The following KALRN variants were observed in gnomAD, a reference collection of about 807,000 sequenced individuals.
KALRN encodes kalirin RhoGEF kinase.
In KALRN, 70 loss-of-function variants were observed where a neutral mutation model predicts 353.7. The ratio of observed to expected loss-of-function variants is 0.20; its 90% CI spans 0.16 to 0.24. KALRN has a LOEUF of 0.24. Among genes scored for constraint, KALRN ranks in the 10% least tolerant of loss-of-function variants. KALRN has a pLI of 1.00. For synonymous variants in KALRN, 1,391 were observed against 1,434.8 expected, an observed-to-expected ratio of 0.97 and a Z score of 0.69; for missense variants, 2,791 against 3,756.7, an observed-to-expected ratio of 0.74 and a Z score of 6.72.
At chr3:124,632,724 A>C in intron 35 of KALRN, 21 bp downstream of exon 35, 1 of 1,606,044 alleles carries the variant, frequency 6.2e-7, no homozygotes. Flanking sequence ...GGGGCCCTGG[A>C]GTTGTCCATC....
chr3:124,153,579 C>T (rs1310562846), intron 1 of KALRN, among the ~76,000 whole-genome samples: 17 of 150,578 alleles, frequency 1.1e-4, no homozygotes, highest in Non-Finnish European at 1.6e-4. Flanking sequence ...AATAAACATA[C>T]GTGTGCATGT....
chr3:124,438,183 C>T (rs944620706), intron 17 of KALRN, among the ~76,000 whole-genome samples: 6 of 152,124 alleles, frequency 3.9e-5, no homozygotes, highest in Non-Finnish European at 8.8e-5. Flanking sequence ...AATTTCCCTC[C>T]AAACTCCCTT....
At chr3:124,411,275 G>A (rs1038710926) in intron 13 of KALRN, among the ~76,000 whole-genome samples, 2 of 151,866 alleles carry the variant, frequency 1.3e-5, no homozygotes, top group South Asian at 2.1e-4. Context: ...TATTTTTGGC[G>A]ATGACTACAT....
At chr3:124,169,444 G>A (rs1048166850) in intron 1 of KALRN, among the ~76,000 whole-genome samples, 3 of 152,296 alleles carry the variant, frequency 2.0e-5, no homozygotes, top group African/African-American at 2.4e-5. Context: ...AGTGGTTGAT[G>A]TTTTGGTAGC....
intron 38 of KALRN, among the ~76,000 whole-genome samples, chr3:124,651,805 T>A (rs1405706376): frequency 6.6e-6 from 1 of 151,852 alleles, no homozygotes; most frequent in Non-Finnish European, 1.5e-5. Context: ...GCCTGGCTAA[T>A]TATTTTATTT....
chr3:124,145,448 T>C (rs1447155657), intron 1 of KALRN, among the ~76,000 whole-genome samples: 3 of 152,226 alleles, frequency 2.0e-5, no homozygotes. Flanking sequence ...CAGAGTTCCC[T>C]GAGTGATTTC....
At chr3:124,481,754 A>G (rs193073901) in intron 27 of KALRN, among the ~76,000 whole-genome samples, 23 of 152,074 alleles carry the variant, frequency 1.5e-4, no homozygotes, top group Non-Finnish European at 2.2e-4. Context: ...TCATTCCTCC[A>G]ACCTTTTACT....
intron 1 of KALRN, among the ~76,000 whole-genome samples, chr3:124,158,822 T>C (rs1363319304): frequency 6.6e-6 from 1 of 152,194 alleles, no homozygotes; most frequent in East Asian, 1.9e-4. Flanking sequence ...CTGGAGCCTG[T>C]CTTCTTAACT....
chr3:124,487,365 C>A (rs1454948519), intron 28 of KALRN, among the ~76,000 whole-genome samples: 1 of 152,180 alleles, frequency 6.6e-6, no homozygotes, highest in African/African-American at 2.4e-5. Context: ...AAAGGACACA[C>A]TCCCCAGCTC....
At chr3:124,460,773 A>C (rs2059776891) in intron 23 of KALRN, among the ~76,000 whole-genome samples, 1 of 152,344 alleles carries the variant, frequency 6.6e-6, no homozygotes, top group Admixed American at 6.5e-5. Context: ...AATAGAGTTC[A>C]ATTCAAAGAA....
At chr3:124,625,227 C>T (rs1373119859) in intron 34 of KALRN, among the ~76,000 whole-genome samples, 1 of 152,242 alleles carries the variant, frequency 6.6e-6, no homozygotes. Context: ...AGGTAACCTG[C>T]CCAGAGTCAT....
At chr3:124,489,981 A>C (rs2062970470) in intron 29 of KALRN, among the ~76,000 whole-genome samples, 1 of 152,232 alleles carries the variant, frequency 6.6e-6, no homozygotes, top group East Asian at 1.9e-4. Flanking sequence ...ATAAGAATTA[A>C]GGTAGGTCAG....
At chr3:124,228,822 G>A (rs2078857963) in intron 2 of KALRN, among the ~76,000 whole-genome samples, 1 of 151,818 alleles carries the variant, frequency 6.6e-6, no homozygotes, top group African/African-American at 2.4e-5. Flanking sequence ...CAGCAGGGCT[G>A]TGCTTCCAGA....
chr3:124,333,199 G>T (rs2080781440), intron 8 of KALRN, among the ~76,000 whole-genome samples: 1 of 152,090 alleles, frequency 6.6e-6, no homozygotes, highest in Non-Finnish European at 1.5e-5. Context: ...CTCCCACCAG[G>T]TCCCTCCCAC....
At chr3:124,232,647 C>T (rs899643364) in intron 2 of KALRN, among the ~76,000 whole-genome samples, 9 of 152,144 alleles carry the variant, frequency 5.9e-5, no homozygotes, top group Non-Finnish European at 1.3e-4. Flanking sequence ...TCAAAGGTCT[C>T]TTCCTTTCTG....
intron 1 of KALRN, among the ~76,000 whole-genome samples, chr3:124,213,092 C>G (rs1299257236): frequency 6.6e-6 from 1 of 151,976 alleles, no homozygotes; most frequent in Non-Finnish European, 1.5e-5. Flanking sequence ...TCTTTAAATG[C>G]TTTTGTGCCT....
intron 34 of KALRN, among the ~76,000 whole-genome samples, chr3:124,583,952 G>C (rs1386636987): frequency 6.6e-6 from 1 of 152,172 alleles, no homozygotes; most frequent in Non-Finnish European, 1.5e-5. Flanking sequence ...TTGAGCCCAG[G>C]AGTTCAAGAC....
At chr3:124,449,862 C>T (rs368795413) in intron 21 of KALRN, among the ~76,000 whole-genome samples, 4 of 59,894 alleles carry the variant, frequency 6.7e-5, no homozygotes, top group Non-Finnish European at 5.1e-5. Context: ...CCATGCTATT[C>T]GCATGTATCA....
At chr3:124,267,702 C>G (rs547561452) in intron 4 of KALRN, among the ~76,000 whole-genome samples, 3 of 152,238 alleles carry the variant, frequency 2.0e-5, no homozygotes, top group Non-Finnish European at 4.4e-5. Context: ...AGAGAAGGAA[C>G]AAAGAGGGGA....
Sources: allele counts gnomAD v4.1 joint callset (sites outside exome capture counted in the v4.1 genomes callset), GRCh38; gene constraint gnomAD v4.1.1; transcripts MANE v1.5; gene names NCBI Gene and HGNC (gene_info 2026-07-23, HGNC 2026-07-21).